The following MAPK8IP2 variants were observed in gnomAD, a reference collection of about 807,000 sequenced individuals.
MAPK8IP2 encodes the protein mitogen-activated protein kinase 8 interacting protein 2.
In MAPK8IP2, 15 loss-of-function variants were observed where a neutral mutation model predicts 75.6. The observed-to-expected ratio is 0.20, with a 90% CI of 0.13 to 0.31. The LOEUF is 0.31. Among genes scored for constraint, MAPK8IP2 ranks in the 10% least tolerant of loss-of-function variants. The pLI is 1.00. For missense variants in MAPK8IP2, 1,089 were observed against 1,211.2 expected, an observed-to-expected ratio of 0.90 and a Z score of 1.50; for synonymous variants, 632 against 554.5, an observed-to-expected ratio of 1.14 and a Z score of -1.96.
At position 50,610,187 on chromosome 22, in the gene MAPK8IP2, G is replaced by A; in HGVS notation, c.2304-25G>A. ...CAAGGCTGGGCCAGGGCTCTGACGT[G>A]CCCTCCACACTGACTTGCCCGCAGC... is the stretch of plus-strand genomic sequence containing the variant. On this transcript the variant is annotated intron_variant, in intron 10 of 11. Coordinates refer to ENST00000329492, the MANE Select transcript of MAPK8IP2 (RefSeq NM_012324.6). The surrounding 1 kb of genome is among the most constrained non-coding windows in gnomAD (Gnocchi z 4.3). 8 of 1,573,468 alleles carry A rather than the reference G, an allele frequency of 5.1e-6. No individual in the cohort carries two copies. The highest frequency in any genetic ancestry group is 6.9e-6 in the Non-Finnish European group (8 of 1,154,624).
rs1302064971 is a variant in MAPK8IP2 at position 50,613,142 on chromosome 22, C to T, written c.*2363C>T. ...TCGAGGGTTTCCCTGTGCTCAGGCC[C>T]CTGGCAGCCGCCCCCTGTGCAGACC... is the stretch of plus-strand genomic sequence containing the variant. On this transcript the variant is annotated 3_prime_UTR_variant, in exon 12 of 12. Transcript: ENST00000329492. The T allele has an allele frequency of 6.5e-6, 1 of 152,702 alleles. No homozygotes were observed. Among genetic ancestry groups the T allele is most frequent in the Non-Finnish European group, 1.5e-5 (1 of 68,504 alleles). The allele number at this position is 152,702 out of a possible 1,614,324, so 9.5% of individuals were successfully genotyped here.
Position 50,604,449 on chromosome 22 carries a change from G to A in MAPK8IP2, c.1150G>A (p.Val384Met), listed in dbSNP as rs1170090063. 2.4e-5 allele frequency: 34 copies of A among 1,391,222 alleles called. No individual in the cohort carries two copies. The highest frequency in any genetic ancestry group is 3.2e-5 in the Non-Finnish European group (34 of 1,077,852). The allele number at this position is 1,391,222 out of a possible 1,614,324, so 86.2% of individuals were successfully genotyped here. A position where few individuals can be genotyped will look rare whatever the true frequency, so the allele number is the denominator to read the frequency against. The change falls in exon 5 of 12, where the codon GTG (valine) becomes ATG (methionine). Residue 384 changes from valine to methionine, a missense_variant. By Grantham distance (21) the Val-to-Met change is conservative. This residue lies in a region of MAPK8IP2 where 960 missense variants were observed against 1,009.6 expected (regional missense o/e 0.95). Transcript: ENST00000329492. The stretch of plus-strand genomic sequence containing the variant: ...TGCGCCGCGCCCGCCCGGGGAGCCC[G>A]TGTCGCCGGCCGGCGGGGCCGCCCA... ...SPAPRPPGEP[V>M]SPAGGAAQDS...
rs1353295197 is a variant in MAPK8IP2, at chr22:50,605,587, C to T, written c.1867C>T (p.Leu623=). Residue 623 remains leucine, a synonymous_variant, in exon 7 of 12, where the codon CTG becomes TTG. Transcript: ENST00000329492. ...FRFIPRHPDE[L]ELDVDDPVLV... Reference sequence around the variant, plus strand: ...GTTCATCCCGCGGCATCCAGACGAGCTGGAGCTGGATGTGGATGACCCTGT... The same window carrying T: ...GTTCATCCCGCGGCATCCAGACGAGTTGGAGCTGGATGTGGATGACCCTGT... 1.3e-6 allele frequency: 2 copies of T among 1,592,764 alleles called. No homozygotes were observed. The highest frequency in any genetic ancestry group is 1.7e-6 in the Non-Finnish European group (2 of 1,169,490).
At chr22:50,609,059 G>A (rs1222391633) in intron 10 of MAPK8IP2, among the ~76,000 whole-genome samples, 1 of 152,036 alleles carries the variant, frequency 6.6e-6, no homozygotes, top group Non-Finnish European at 1.5e-5. Flanking sequence ...TGCTGCCCTG[G>A]CCCAGACCTT....
rs1360583428 is a variant in MAPK8IP2, at chr22:50,604,013, C to T, written c.714C>T (p.Gly238=). 1 of 1,556,164 alleles carries T rather than the reference C, an allele frequency of 6.4e-7. No homozygotes were observed. The highest frequency in any genetic ancestry group is 8.6e-7 in the Non-Finnish European group (1 of 1,159,106). ...CTGACCTGAGAAGCCGCTCGAGCGG[C>T]GGCCGCGGGGGACGTCGCAGCAGCC... ...IEADLRSRSS[G]GRGGRRSSQE... The change falls in exon 5 of 12, where the codon GGC becomes GGT. Residue 238 remains glycine, a synonymous_variant. Coordinates refer to ENST00000329492, the MANE Select transcript of MAPK8IP2 (RefSeq NM_012324.6).
At position 50,603,421 on chromosome 22, in the gene MAPK8IP2, C is replaced by G. The variant is rs546037070; in HGVS notation, c.370C>G (p.Leu124Val). The G allele has an allele frequency of 6.4e-7, 1 of 1,567,366 alleles. No homozygotes were observed. Among genetic ancestry groups the G allele is most frequent in the Admixed American group, 1.8e-5 (1 of 54,720 alleles). The change falls in exon 3 of 12, where the codon CTT becomes GTT. Residue 124 changes from leucine to valine, a missense_variant. Around this residue, in one of 2 missense-constraint regions of MAPK8IP2, gnomAD observed 960 missense variants for 1,009.6 expected, o/e 0.95. Transcript: ENST00000329492. ...CTCAGAGGCACCTGCCCCCGGGCCC[C>G]TTATCCCCTCCCCTTCCGTGGAGGA... ...PGSEAPAPGP[L>V]IPSPSVEEPH...
chr22:50,603,217 C>T lies in MAPK8IP2; in HGVS notation c.172-6C>T. 4.3e-6 allele frequency: 7 copies of T among 1,611,962 alleles called. No individual in the cohort carries two copies. Among genetic ancestry groups the T allele is most frequent in the East Asian group, 2.2e-5 (1 of 44,878 alleles). On this transcript the variant is annotated splice_polypyrimidine_tract_variant and splice_region_variant and intron_variant, in intron 2 of 11. Coordinates refer to ENST00000329492, the MANE Select transcript of MAPK8IP2 (RefSeq NM_012324.6). ...CCCAGCCCTGCTATCTCCCTCCGTC[C>T]TGCAGGACAGCCTCTCCCTGGGGCG...
chr22:50,611,563 T>C lies in MAPK8IP2; in HGVS notation c.*784T>C, dbSNP rs1035429986. 1.3e-5 allele frequency: 2 copies of C among 152,390 alleles called. No individual in the cohort carries two copies. Among genetic ancestry groups the C allele is most frequent in the African/African-American group, 4.8e-5 (2 of 41,464 alleles). 9.4% of individuals were successfully genotyped at this position (152,390 alleles called of 1,614,324 possible). ...TGCTTGGTGTGACATTGGCTGTTTC[T>C]AGAGGGTGCTAAGACATGGGGCCAG... is the stretch of plus-strand genomic sequence containing the variant. On this transcript the variant is annotated 3_prime_UTR_variant, in exon 12 of 12. Coordinates refer to ENST00000329492, the MANE Select transcript of MAPK8IP2 (RefSeq NM_012324.6). This position sits in a 1 kb window ranked among gnomAD's most constrained non-coding sequence, Gnocchi z 5.5.
Position 50,607,910 on chromosome 22 carries a change from C to A in MAPK8IP2, c.2303+919C>A, listed in dbSNP as rs1175659810. On this transcript the variant is annotated intron_variant, in intron 10 of 11. Transcript: ENST00000329492. This position sits in a 1 kb window ranked among gnomAD's most constrained non-coding sequence, Gnocchi z 5.6. ...CATAGGAGCAGCAGGCCAAGGGGGG[C>A]TGCCAGCTTCCCTCCAGGCACAGGC... Among the ~76,000 whole-genome samples the A allele has an allele frequency of 6.6e-6, 1 of 152,104 alleles. No homozygotes were observed.
chr22:50,610,898 T>C lies in MAPK8IP2; in HGVS notation c.*119T>C, dbSNP rs868317846. On this transcript the variant is annotated 3_prime_UTR_variant, in exon 12 of 12. Coordinates refer to ENST00000329492, the MANE Select transcript of MAPK8IP2 (RefSeq NM_012324.6). This position sits in a 1 kb window ranked among gnomAD's most constrained non-coding sequence, Gnocchi z 4.3. ...ATTGGGGGGACATGGGACCTTACGC[T>C]TGTGGGGGTCTGCGGGCTGGGAACT... 13 of 843,050 alleles carry C rather than the reference T, an allele frequency of 1.5e-5. No individual in the cohort carries two copies. In the Middle Eastern group the frequency reaches 3.0e-3, roughly 194 times the overall value. 52.2% of individuals were successfully genotyped at this position (843,050 alleles called of 1,614,324 possible).
In MAPK8IP2 at chr22:50,612,805, T is replaced by G. The variant is rs1569070533; in HGVS notation, c.*2026T>G. On this transcript the variant is annotated 3_prime_UTR_variant, in exon 12 of 12. Transcript: ENST00000329492. ...AAACCGCTGCCACCCACCCACCTCC[T>G]CCCTCTGCTCTTCCACTCAGGTGAG... The G allele has an allele frequency of 2.5e-5, 2 of 80,570 alleles. No individual in the cohort carries two copies. The highest frequency in any genetic ancestry group is 1.0e-4 in the African/African-American group (2 of 19,700). The allele number at this position is 80,570 out of a possible 1,614,324, so 5.0% of individuals were successfully genotyped here. A position where few individuals can be genotyped will look rare whatever the true frequency, so the allele number is the denominator to read the frequency against.
At chr22:50,609,875 T>C (rs1253722264) in intron 10 of MAPK8IP2, 1 of 537,028 alleles carries the variant, frequency 1.9e-6, no homozygotes, top group South Asian at 1.4e-5. Flanking sequence ...AGATATGGTC[T>C]CCAGTAGCCA....
At position 50,604,619 on chromosome 22, in the gene MAPK8IP2, C is replaced by T; in HGVS notation, c.1320C>T (p.Asn440=). 1 of 1,510,226 alleles carries T rather than the reference C, an allele frequency of 6.6e-7. No individual in the cohort carries two copies. The highest frequency in any genetic ancestry group is 8.8e-7 in the Non-Finnish European group (1 of 1,136,188). The allele number at this position is 1,510,226 out of a possible 1,614,324, so 93.6% of individuals were successfully genotyped here. A position where few individuals can be genotyped will look rare whatever the true frequency, so the allele number is the denominator to read the frequency against. The change falls in exon 5 of 12, where the codon AAC becomes AAT. Residue 440 remains asparagine (N), a synonymous_variant. Transcript: ENST00000329492. ...CCGGGCCCTGCCTATTCCTCAGCAA[C>T]CCCACGCGTGACACCATCACGCCGC... The part of the protein sequence containing the change: ...AQPGPCLFLS[N]PTRDTITPLW...
Position 50,605,003 on chromosome 22 carries a change from T to G in MAPK8IP2, c.1704T>G (p.Pro568=). Residue 568 remains proline, a synonymous_variant, in exon 5 of 12, where the codon CCT becomes CCG. Transcript: ENST00000329492. ...CGGGGGACACCTCGCCGGACAGCCCTGACCTCACTTTCTCCAAGAAGTTCC... is the reference window on the plus strand; with the variant it reads ...CGGGGGACACCTCGCCGGACAGCCCGGACCTCACTTTCTCCAAGAAGTTCC... ...QVSGDTSPDS[P]DLTFSKKFLN... The G allele has an allele frequency of 6.2e-7, 1 of 1,612,436 alleles. No homozygotes were observed. The highest frequency in any genetic ancestry group is 8.5e-7 in the Non-Finnish European group (1 of 1,179,814).
In MAPK8IP2 at chr22:50,610,185, G is replaced by A. The variant is rs763226210; in HGVS notation, c.2304-27G>A. Reference sequence around the variant, plus strand: ...GCCAAGGCTGGGCCAGGGCTCTGACGTGCCCTCCACACTGACTTGCCCGCA... The same window carrying A: ...GCCAAGGCTGGGCCAGGGCTCTGACATGCCCTCCACACTGACTTGCCCGCA... On this transcript the variant is annotated intron_variant, in intron 10 of 11. Coordinates refer to ENST00000329492, the MANE Select transcript of MAPK8IP2 (RefSeq NM_012324.6). This position sits in a 1 kb window ranked among gnomAD's most constrained non-coding sequence, Gnocchi z 4.3. 17 of 1,568,636 alleles carry A rather than the reference G, an allele frequency of 1.1e-5. No individual in the cohort carries two copies. The highest frequency in any genetic ancestry group is 1.8e-5 in the Admixed American group (1 of 55,182).
chr22:50,603,460 C>G lies in MAPK8IP2; in HGVS notation c.409C>G (p.Arg137Gly). ...SPSVEEPHKH[R>G]PTTLRLTTLG... Reference sequence around the variant, plus strand: ...TTCCGTGGAGGAGCCCCACAAGCACCGGCCCACCACCCTCCGTCTGACCAC... The same window carrying G: ...TTCCGTGGAGGAGCCCCACAAGCACGGGCCCACCACCCTCCGTCTGACCAC... The change falls in exon 3 of 12, where the codon CGG becomes GGG. Residue 137 changes from arginine to glycine, a missense_variant. Coordinates refer to ENST00000329492, the MANE Select transcript of MAPK8IP2 (RefSeq NM_012324.6). 2 of 1,566,148 alleles carry G rather than the reference C, an allele frequency of 1.3e-6. No individual in the cohort carries two copies. Among genetic ancestry groups the G allele is most frequent in the South Asian group, 1.2e-5 (1 of 82,884 alleles).
At chr22:50,608,710 G>GGACAGCGGGCAGGGGCGCAGACCA (rs2071092827) in intron 10 of MAPK8IP2, among the ~76,000 whole-genome samples, 1 of 146,676 alleles carries the variant, frequency 6.8e-6, no homozygotes, top group African/African-American at 2.6e-5. Flanking sequence ...TGGAGAGGTG[G>GGACAGCGGGCAGGGGCGCAGACCA]GACAGTGGGC....
Position 50,605,527 on chromosome 22 carries a change from G to GC in MAPK8IP2, c.1842-29dup, listed in dbSNP as rs749931115. ...GCCAGTGGACACGACCGTCAATCCC[G>GC]CCCCCCTCCCCAGTGACCTCTCCCC... On this transcript the variant is annotated intron_variant, in intron 6 of 11. Coordinates refer to ENST00000329492, the MANE Select transcript of MAPK8IP2 (RefSeq NM_012324.6). 2.5e-6 allele frequency: 4 copies of GC among 1,586,140 alleles called. No homozygotes were observed. In the South Asian group the frequency reaches 3.4e-5, roughly 13 times the overall value.
At chr22:50,602,970 G>A (rs142710857) in intron 2 of MAPK8IP2, among the ~76,000 whole-genome samples, 110 of 152,338 alleles carry the variant, frequency 7.2e-4, no homozygotes, top group Non-Finnish European at 1.1e-3. Flanking sequence ...AGATGAGTCT[G>A]AAAGTGGGGC....
Sources: allele counts gnomAD v4.1 joint callset (sites outside exome capture counted in the v4.1 genomes callset), GRCh38; gene constraint gnomAD v4.1.1; regional missense constraint gnomAD v4.1.1; non-coding constraint Gnocchi (gnomAD v3.1); transcripts MANE v1.5; gene names NCBI Gene and HGNC (gene_info 2026-07-23, HGNC 2026-07-21).